Variants in ARHGEF3 observed in about 807,000 individuals in gnomAD.
The protein encoded by ARHGEF3 is 59.8 kDA protein.
Under a neutral mutation model 63.2 loss-of-function variants are expected in ARHGEF3, and 28 were observed. That is an observed-to-expected ratio of 0.44 (90% CI 0.33 to 0.61). ARHGEF3 has a LOEUF of 0.61. Ranked by LOEUF, ARHGEF3 falls within the 20% of genes least tolerant of loss-of-function variation. ARHGEF3 has a pLI of 0.03. For missense variants in ARHGEF3, 533 were observed against 659.3 expected, an observed-to-expected ratio of 0.81 and a Z score of 2.10; for synonymous variants, 266 against 254.2, an observed-to-expected ratio of 1.05 and a Z score of -0.44.
intron 3 of ARHGEF3, among the ~76,000 whole-genome samples, chr3:56,930,356 G>T (rs1275281316): frequency 6.6e-6 from 1 of 152,084 alleles, no homozygotes; most frequent in African/African-American, 2.4e-5. Flanking sequence ...AAAATGTTTT[G>T]AACTCCTCCT....
chr3:56,923,317 AT>A (rs1307592481), intron 3 of ARHGEF3, among the ~76,000 whole-genome samples: 1 of 136,290 alleles, frequency 7.3e-6, no homozygotes, highest in African/African-American at 2.5e-5. Flanking sequence ...ATAATAAAAT[AT>A]TTTTTAAAAG....
At chr3:57,022,972 G>A (rs1703320689) in intron 2 of ARHGEF3, among the ~76,000 whole-genome samples, 1 of 152,122 alleles carries the variant, frequency 6.6e-6, no homozygotes, top group Admixed American at 6.6e-5. Context: ...TCAGGTCTAT[G>A]TTGAATGTTA....
chr3:57,049,198 C>T (rs1704576403), intron 1 of ARHGEF3, among the ~76,000 whole-genome samples: 1 of 152,086 alleles, frequency 6.6e-6, no homozygotes, highest in African/African-American at 2.4e-5. Context: ...AGTGAGACCC[C>T]ATCTCTACAA....
At position 56,795,707 on chromosome 3, in the gene ARHGEF3, G is replaced by A. The variant is rs138263109; in HGVS notation, c.96+5996C>T. 1.1e-4 allele frequency among the ~76,000 whole-genome samples: 15 copies of A among 140,596 alleles called. No individual in the cohort carries two copies. The East Asian group carries it at 2.1e-3, about 19-fold the overall frequency. The allele number at this position is 140,596 out of a possible 152,430, so 92.2% of individuals were successfully genotyped here. On this transcript the variant is annotated intron_variant, in intron 1 of 9. Transcript: ENST00000296315. ...GCTCTGTTGCTCAGACTGGAGTGGC[G>A]CTCGGCTCACTGCAATCTCTGCCTC... is the stretch of plus-strand genomic sequence containing the variant.
intron 2 of ARHGEF3, among the ~76,000 whole-genome samples, chr3:57,002,459 GCA>G (rs1702240361): frequency 9.2e-5 from 1 of 10,926 alleles, no homozygotes; most frequent in African/African-American, 2.5e-4. Flanking sequence ...ACTGTTCTAA[GCA>G]CTATATATAT....
chr3:56,998,899 C>A (rs1315435270), intron 2 of ARHGEF3, among the ~76,000 whole-genome samples: 1 of 152,184 alleles, frequency 6.6e-6, no homozygotes. Context: ...TGGGCCCTCA[C>A]AGTGTTTTAT....
intron 3 of ARHGEF3, among the ~76,000 whole-genome samples, chr3:56,948,328 G>A (rs76690764): frequency 0.77 from 116,524 of 151,758 alleles, 45,807 homozygotes; most frequent in Middle Eastern, 0.85. Context: ...CAAAAAATCA[G>A]TGAATCCAGG....
intron 4 of ARHGEF3, among the ~76,000 whole-genome samples, chr3:56,872,004 TATC>T (rs1334481378): frequency 6.6e-5 from 10 of 152,180 alleles, no homozygotes; most frequent in Admixed American, 2.6e-4. Context: ...TTCTTATTCT[TATC>T]ATATCACTGA....
intron 4 of ARHGEF3, among the ~76,000 whole-genome samples, chr3:56,864,256 C>A (rs977978666): frequency 1.3e-5 from 2 of 152,210 alleles, no homozygotes; most frequent in African/African-American, 4.8e-5. Context: ...TGGTTCCTGT[C>A]AACTACTCCA....
chr3:56,745,593 C>A (rs1038192876), intron 6 of ARHGEF3, 131 bp from the exon 7 acceptor site: 3 of 1,071,038 alleles, frequency 2.8e-6, no homozygotes, highest in Non-Finnish European at 3.9e-6. Flanking sequence ...CCTTTATCTG[C>A]ATGGCTGGAG....
At chr3:57,024,766 C>T (rs1191209742) in intron 2 of ARHGEF3, among the ~76,000 whole-genome samples, 2 of 152,344 alleles carry the variant, frequency 1.3e-5, no homozygotes, top group East Asian at 3.9e-4. Flanking sequence ...GGATTACAGG[C>T]GTGAGCCACC....
intron 1 of ARHGEF3, among the ~76,000 whole-genome samples, chr3:57,067,788 G>T (rs370638597): frequency 6.6e-6 from 1 of 150,572 alleles, no homozygotes; most frequent in African/African-American, 2.4e-5. Flanking sequence ...GAGACCATTG[G>T]CTAACACGGT....
intron 3 of ARHGEF3, among the ~76,000 whole-genome samples, chr3:56,903,935 C>G (rs1229873967): frequency 6.6e-6 from 1 of 152,154 alleles, no homozygotes; most frequent in East Asian, 1.9e-4. Flanking sequence ...ATGATCACGG[C>G]TCACTGCAGC....
At chr3:56,882,914 A>C (rs77409444) in intron 3 of ARHGEF3, among the ~76,000 whole-genome samples, 189 of 152,282 alleles carry the variant, frequency 1.2e-3, no homozygotes, top group African/African-American at 3.9e-3. Flanking sequence ...TTGCTGTCAC[A>C]GTTTGTTTCT....
intron 3 of ARHGEF3, among the ~76,000 whole-genome samples, chr3:56,754,628 G>A (rs1317597858): frequency 6.6e-6 from 1 of 152,232 alleles, no homozygotes; most frequent in Non-Finnish European, 1.5e-5. Context: ...AGTTTTCCAT[G>A]AAGCTGAATC....
chr3:56,752,248 G>T (rs2034813074), intron 4 of ARHGEF3, among the ~76,000 whole-genome samples: 1 of 152,102 alleles, frequency 6.6e-6, no homozygotes, highest in East Asian at 1.9e-4. Context: ...AGTAGAGACA[G>T]GGTTTCACCA....
intron 4 of ARHGEF3, among the ~76,000 whole-genome samples, chr3:56,810,885 T>C (rs1463546119): frequency 6.6e-6 from 1 of 152,098 alleles, no homozygotes; most frequent in Non-Finnish European, 1.5e-5. Context: ...GTAACATACA[T>C]AGTGTTATGA....
upstream of ARHGEF3, among the ~76,000 whole-genome samples, chr3:56,804,437 T>C (rs753128209): frequency 3.9e-5 from 6 of 152,198 alleles, no homozygotes; most frequent in Admixed American, 2.0e-4. Context: ...TACATAGCTC[T>C]TCATCCCAGG....
chr3:56,948,717 C>A (rs1016120908), intron 3 of ARHGEF3, among the ~76,000 whole-genome samples: 1 of 152,150 alleles, frequency 6.6e-6, no homozygotes. Context: ...GGAGCTGGTA[C>A]CATTCCTTCT....
Sources: allele counts gnomAD v4.1 joint callset (sites outside exome capture counted in the v4.1 genomes callset), GRCh38; gene constraint gnomAD v4.1.1; transcripts MANE v1.5; gene names NCBI Gene and HGNC (gene_info 2026-07-23, HGNC 2026-07-21).